The following CACNA1G variants were observed in gnomAD, a reference collection of about 807,000 sequenced individuals.
The protein encoded by CACNA1G is voltage-dependent T-type calcium channel subunit alpha-1G.
In CACNA1G, 67 loss-of-function variants were observed where a neutral mutation model predicts 219.4. The observed-to-expected ratio is 0.31, with a 90% CI of 0.25 to 0.37. The LOEUF (loss-of-function observed/expected upper bound fraction) is 0.37, where lower values mean the gene tolerates loss of function less well. Among genes scored for constraint, CACNA1G ranks in the 10% least tolerant of loss-of-function variants. The probability of loss-of-function intolerance (pLI) is 1.00; values close to 1 mark genes in which losing one functional copy is unlikely to be tolerated. For synonymous variants in CACNA1G, 1,296 were observed against 1,345.3 expected, an observed-to-expected ratio of 0.96 and a Z score of 0.80; for missense variants, 2,380 against 3,231.4, an observed-to-expected ratio of 0.74 and a Z score of 6.39.
chr17:50,626,152 C>A lies in CACNA1G; in HGVS notation c.6535C>A (p.Gln2179Lys), dbSNP rs368092640. Residue 2179 changes from glutamine (Q) to lysine (K), a missense_variant, in exon 38 of 38, where the codon CAG (glutamine) becomes AAG (lysine). Coordinates refer to ENST00000359106, the MANE Select transcript of CACNA1G (RefSeq NM_018896.5). The surrounding 1 kb of genome is among the most constrained non-coding windows in gnomAD (Gnocchi z 4.3). ...GGGCCAGTCAAGTACCCAGGCACAG[C>A]AGCACTCCCGCAGCCACAGCAAGAT... ...FWGQSSTQAQ[Q>K]HSRSHSKISK... The A allele has an allele frequency of 1.7e-5, 27 of 1,613,710 alleles. No homozygotes were observed. The African/African-American group carries it at 2.9e-4, about 18-fold the overall frequency.
At chr17:50,619,856 C>T (rs1334551861) in intron 34 of CACNA1G, 30 bp downstream of exon 34, 3 of 1,580,748 alleles carry the variant, frequency 1.9e-6, no homozygotes, top group African/African-American at 1.3e-5. Flanking sequence ...GTGCCCTCTC[C>T]CCTGACCGTG....
chr17:50,572,690 G>C lies in CACNA1G; in HGVS notation c.883G>C (p.Gly295Arg). 1.2e-6 allele frequency: 2 copies of C among 1,613,200 alleles called. No individual in the cohort carries two copies. The highest frequency in any genetic ancestry group is 1.7e-6 in the Non-Finnish European group (2 of 1,179,594). Residue 295 changes from glycine (G) to arginine (R), a missense_variant, in exon 6 of 38, where the codon GGC becomes CGC. By Grantham distance (125) the Gly-to-Arg change is moderately radical. Around this residue, in one of 17 missense-constraint regions of CACNA1G, gnomAD observed 68 missense variants for 85.3 expected, o/e 0.80. Coordinates refer to ENST00000359106, the MANE Select transcript of CACNA1G (RefSeq NM_018896.5). ...VPTLRGDGGGGPPCGLDYEAY... is the reference protein window; with the variant it reads ...VPTLRGDGGGRPPCGLDYEAY... ...CACGCTGCGCGGGGACGGGGGCGGT[G>C]GCCCACCTTGCGGTCTGGACTATGA...
At chr17:50,590,040 G>T (rs2043933171) in intron 9 of CACNA1G, among the ~76,000 whole-genome samples, 1 of 152,102 alleles carries the variant, frequency 6.6e-6, no homozygotes, top group African/African-American at 2.4e-5. Context: ...GTTGTGTGGG[G>T]CTTGACGACC....
chr17:50,606,950 C>A lies in CACNA1G; in HGVS notation c.4473C>A (p.Ile1491=). ...CCTCCAAGGATGGTTGGGTGGACAT[C>A]ATGTACGATGGGCTGGATGCTGTGG... ...VLASKDGWVD[I]MYDGLDAVGV... The change falls in exon 24 of 38, where the codon ATC becomes ATA. Residue 1491 remains isoleucine (I), a synonymous_variant. Transcript: ENST00000359106. 6.2e-7 allele frequency: 1 copy of A among 1,613,964 alleles called. No homozygotes were observed.
chr17:50,623,965 G>T lies in CACNA1G; in HGVS notation c.6119G>T (p.Gly2040Val), dbSNP rs776763629. 6.2e-7 allele frequency: 1 copy of T among 1,613,318 alleles called. No individual in the cohort carries two copies. Among genetic ancestry groups the T allele is most frequent in the Admixed American group, 1.7e-5 (1 of 60,016 alleles). Residue 2040 changes from glycine (G) to valine (V), a missense_variant, in exon 36 of 38, where the codon GGG becomes GTG. Coordinates refer to ENST00000359106, the MANE Select transcript of CACNA1G (RefSeq NM_018896.5). ...GACTTACTGACTGTGCGGAAGTCTG[G>T]GGTCAGCCGAACGCACTCTCTGCCC... ...GPDLLTVRKS[G>V]VSRTHSLPND... is the part of the protein sequence containing the mutation.
intron 16 of CACNA1G, among the ~76,000 whole-genome samples, chr17:50,598,424 G>A (rs4794168): frequency 0.69 from 105,369 of 152,224 alleles, 36,881 homozygotes; most frequent in East Asian, 0.89. Flanking sequence ...GGGAATGCCC[G>A]TATCTCGTCC....
Position 50,608,067 on chromosome 17 carries a change from G to A in CACNA1G, c.4705+48G>A, listed in dbSNP as rs1477248401. The stretch of plus-strand genomic sequence containing the variant: ...TCGGTAGTCTTTCCACCTCTCTCTG[G>A]GTCGTGCTTGACCTTGGCCTTGCGA... On this transcript the variant is annotated intron_variant, in intron 25 of 37. Coordinates refer to ENST00000359106, the MANE Select transcript of CACNA1G (RefSeq NM_018896.5). 5 of 1,538,806 alleles carry A rather than the reference G, an allele frequency of 3.2e-6. No individual in the cohort carries two copies. The East Asian group carries it at 7.2e-5, about 22-fold the overall frequency.
intron 20 of CACNA1G, 48 bp downstream of exon 20, chr17:50,602,936 T>C (rs1381298258): frequency 6.5e-7 from 1 of 1,530,238 alleles, no homozygotes; most frequent in Non-Finnish European, 8.9e-7. Flanking sequence ...CTGGTGGGGG[T>C]GGAGACAGCT....
intron 9 of CACNA1G, among the ~76,000 whole-genome samples, chr17:50,584,610 G>A (rs1176386523): frequency 5.9e-5 from 9 of 151,600 alleles, no homozygotes; most frequent in Non-Finnish European, 1.3e-4. Context: ...GCGGGGGTAG[G>A]GGGTGACAGG....
In CACNA1G at chr17:50,621,604, A is replaced by G. The variant is rs1253293689; in HGVS notation, c.5926-56A>G. 5.0e-6 allele frequency: 8 copies of G among 1,592,732 alleles called. No homozygotes were observed. The highest frequency in any genetic ancestry group is 1.3e-5 in the African/African-American group (1 of 74,540). On this transcript the variant is annotated intron_variant, in intron 34 of 37. Coordinates refer to ENST00000359106, the MANE Select transcript of CACNA1G (RefSeq NM_018896.5). This position sits in a 1 kb window ranked among gnomAD's most constrained non-coding sequence, Gnocchi z 4.6. ...AGAGAGAGCGCGTGTGTGCGTGTGCACGCGCGTGTGCGCTGTCCTGGTTTC... is the reference window on the plus strand; with the variant it reads ...AGAGAGAGCGCGTGTGTGCGTGTGCGCGCGCGTGTGCGCTGTCCTGGTTTC...
At position 50,603,630 on chromosome 17, in the gene CACNA1G, A is replaced by AC. The variant is rs2047269743; in HGVS notation, c.4169+437dup. ...CATCTTCAGGCGCCTGCCAGTGACC[A>AC]CCCCCCGGTGACATTTCTCCTGACC... is the stretch of plus-strand genomic sequence containing the variant. On this transcript the variant is annotated intron_variant, in intron 21 of 37. Transcript: ENST00000359106. The surrounding 1 kb of genome is among the most constrained non-coding windows in gnomAD (Gnocchi z 6.4). Among the ~76,000 whole-genome samples the AC allele has an allele frequency of 7.2e-6, 1 of 139,284 alleles. No individual in the cohort carries two copies. The highest frequency in any genetic ancestry group is 1.6e-5 in the Non-Finnish European group (1 of 64,478). The allele number at this position is 139,284 out of a possible 152,430, so 91.4% of individuals were successfully genotyped here.
chr17:50,624,324 T>TCCCCCCCCCCCCCCCCCCCCGGCCCCC, intron 36 of CACNA1G, 36 bp from the exon 37 acceptor site: 1 of 1,177,660 alleles, frequency 8.5e-7, no homozygotes, highest in Non-Finnish European at 1.2e-6. Flanking sequence ...CTCCATTCTC[T>TCCCCCCCCCCCCCCCCCCCCGGCCCCC]CCCCCCACCC....
intron 25 of CACNA1G, among the ~76,000 whole-genome samples, chr17:50,608,974 T>G (rs914696816): frequency 1.3e-5 from 2 of 152,216 alleles, no homozygotes; most frequent in African/African-American, 4.8e-5. Context: ...TCTAAGCCTT[T>G]GTGTGTCTGT....
Position 50,600,667 on chromosome 17 carries a change from C to T in CACNA1G, c.3691-59C>T. ...TGAGGCTCGTGACTCTGCTGAGGAGCCAGGAGCCGGGGAACCTGGAGGCCT... is the reference window on the plus strand; with the variant it reads ...TGAGGCTCGTGACTCTGCTGAGGAGTCAGGAGCCGGGGAACCTGGAGGCCT... On this transcript the variant is annotated intron_variant, in intron 17 of 37. Coordinates refer to ENST00000359106, the MANE Select transcript of CACNA1G (RefSeq NM_018896.5). This position sits in a 1 kb window ranked among gnomAD's most constrained non-coding sequence, Gnocchi z 4.1. 1 of 1,435,900 alleles carries T rather than the reference C, an allele frequency of 7.0e-7. No individual in the cohort carries two copies. Among genetic ancestry groups the T allele is most frequent in the Non-Finnish European group, 9.8e-7 (1 of 1,020,260 alleles). 88.9% of individuals were successfully genotyped at this position (1,435,900 alleles called of 1,614,324 possible). A position where few individuals can be genotyped will look rare whatever the true frequency, so the allele number is the denominator to read the frequency against.
At chr17:50,581,126 C>A (rs949681803) in intron 9 of CACNA1G, among the ~76,000 whole-genome samples, 2 of 151,164 alleles carry the variant, frequency 1.3e-5, no homozygotes, top group Non-Finnish European at 3.0e-5. Context: ...AAGAGAGACG[C>A]GCAGGCAGGG....
rs1371420473 is a variant in CACNA1G, at chr17:50,578,338, C to G, written c.2075C>G (p.Ala692Gly). 7 of 1,613,300 alleles carry G rather than the reference C, an allele frequency of 4.3e-6. No individual in the cohort carries two copies. The highest frequency in any genetic ancestry group is 5.1e-6 in the Non-Finnish European group (6 of 1,179,858). Residue 692 changes from alanine (A) to glycine (G), a missense_variant, in exon 9 of 38, where the codon GCA becomes GGA. By Grantham distance (60) the Ala-to-Gly change is moderately conservative (BLOSUM62 0). Transcript: ENST00000359106. This position sits in a 1 kb window ranked among gnomAD's most constrained non-coding sequence, Gnocchi z 4.5. The part of the protein sequence containing the change: ...DREMPDSDSE[A>G]VYEFTQDAQH... ...GAAATGCCTGACTCAGACAGCGAGG[C>G]AGTTTATGAGTTCACACAGGATGCC...
At position 50,575,933 on chromosome 17, in the gene CACNA1G, A is replaced by G. The variant is rs749098197; in HGVS notation, c.1531A>G (p.Thr511Ala). 1.3e-6 allele frequency: 2 copies of G among 1,555,524 alleles called. No individual in the cohort carries two copies. Among genetic ancestry groups the G allele is most frequent in the Non-Finnish European group, 1.7e-6 (2 of 1,150,068 alleles). ...HHHHYHLGNGTLRAPRASPEI... is the reference protein window; with the variant it reads ...HHHHYHLGNGALRAPRASPEI... ...CCACCACTACCACCTGGGCAATGGG[A>G]CGCTCAGGGCCCCCCGGGCCAGCCC... Residue 511 changes from threonine to alanine, a missense_variant, in exon 8 of 38, where the codon ACG (threonine) becomes GCG (alanine). Physicochemically the swap from Thr to Ala is moderately conservative, Grantham distance 58. This residue lies in a region of CACNA1G where 434 missense variants were observed against 417.3 expected (regional missense o/e 1.04). Transcript: ENST00000359106.
At chr17:50,581,073 C>T (rs1160782617) in intron 9 of CACNA1G, among the ~76,000 whole-genome samples, 4 of 145,148 alleles carry the variant, frequency 2.8e-5, no homozygotes, top group African/African-American at 1.0e-4. Context: ...GGGGGCGAGA[C>T]AGAGGCACGG....
chr17:50,595,950 C>A (rs913540023), intron 14 of CACNA1G, among the ~76,000 whole-genome samples: 1 of 152,120 alleles, frequency 6.6e-6, no homozygotes, highest in Non-Finnish European at 1.5e-5. Context: ...AACCTACTGA[C>A]CTGCTAAGAA....
Sources: allele counts gnomAD v4.1 joint callset (sites outside exome capture counted in the v4.1 genomes callset), GRCh38; gene constraint gnomAD v4.1.1; regional missense constraint gnomAD v4.1.1; non-coding constraint Gnocchi (gnomAD v3.1); transcripts MANE v1.5; gene names NCBI Gene and HGNC (gene_info 2026-07-23, HGNC 2026-07-21).